The following GIT2 variants were observed in gnomAD, a reference collection of about 807,000 sequenced individuals.
GIT2 encodes GIT ArfGAP 2, also known as ARF GTPase-activating protein GIT2.
In GIT2, 32 loss-of-function variants were observed where a neutral mutation model predicts 100.3. The ratio of observed to expected loss-of-function variants is 0.32; its 90% CI spans 0.24 to 0.43. The LOEUF (loss-of-function observed/expected upper bound fraction) is 0.43. Ranked by LOEUF, GIT2 falls within the 20% of genes least tolerant of loss-of-function variation. GIT2 has a pLI of 1.00. For synonymous variants in GIT2, 353 were observed against 364.1 expected (o/e 0.97, Z 0.35); for missense variants, 737 against 975.1 (o/e 0.76, Z 3.25).
intron 15 of GIT2, 108 bp from the exon 16 acceptor site, chr12:109,945,457 G>T (rs1183320785): frequency 1.5e-6 from 1 of 687,440 alleles, no homozygotes; most frequent in East Asian, 2.7e-5. Context: ...ATTATGTGAC[G>T]TGAGTGCTGC....
chr12:109,938,889 ATGT>A (rs1022156668), intron 17 of GIT2: 2 of 492,644 alleles, frequency 4.1e-6, no homozygotes, highest in Non-Finnish European at 3.6e-6. Context: ...ATGTAACCTA[ATGT>A]TGTCTTCATG....
At chr12:109,969,492 T>C (rs913858531) in intron 7 of GIT2, among the ~76,000 whole-genome samples, 1 of 152,116 alleles carries the variant, frequency 6.6e-6, no homozygotes, top group African/African-American at 2.4e-5. Context: ...TGATGAAGTA[T>C]AATTTATCAA....
At position 109,931,979 on chromosome 12, in the gene GIT2, AGAT is replaced by A. The variant is rs1260427848; in HGVS notation, c.*996_*998del. 2 of 152,250 alleles carry A rather than the reference AGAT, an allele frequency of 1.3e-5. No individual in the cohort carries two copies. The highest frequency in any genetic ancestry group is 2.9e-5 in the Non-Finnish European group (2 of 68,060). 9.4% of individuals were successfully genotyped at this position (152,250 alleles called of 1,614,324 possible). On this transcript the variant is annotated 3_prime_UTR_variant, in exon 20 of 20. Coordinates refer to ENST00000355312, the MANE Select transcript of GIT2 (RefSeq NM_057169.5). ...ATCTTTCCTTATAAGAAGTCCTTAAAGATGATGAAAAATGTGAAGCAACTCATG... is the reference window on the plus strand; with the variant it reads ...ATCTTTCCTTATAAGAAGTCCTTAAAGATGAAAAATGTGAAGCAACTCATG...
chr12:109,945,708 T>C (rs911902687), intron 15 of GIT2, among the ~76,000 whole-genome samples: 32 of 152,232 alleles, frequency 2.1e-4, no homozygotes, highest in African/African-American at 7.2e-4. Flanking sequence ...ACACTATCAA[T>C]CTAATTTTTA....
chr12:109,978,780 A>T (rs1885672678), intron 7 of GIT2, among the ~76,000 whole-genome samples: 1 of 152,092 alleles, frequency 6.6e-6, no homozygotes, highest in Non-Finnish European at 1.5e-5. Context: ...TTCTTATAGC[A>T]TGGTCTTACT....
At chr12:109,968,152 C>T (rs1882948771) in intron 7 of GIT2, among the ~76,000 whole-genome samples, 1 of 152,236 alleles carries the variant, frequency 6.6e-6, no homozygotes, top group Admixed American at 6.5e-5. Context: ...AACTGCCAGA[C>T]CTTTTCCCTT....
intron 7 of GIT2, among the ~76,000 whole-genome samples, chr12:109,976,123 AAC>A (rs564971141): frequency 1.5e-5 from 2 of 130,962 alleles, no homozygotes; most frequent in African/African-American, 3.6e-5. Flanking sequence ...CACACACACA[AAC>A]ACACACACAC....
At chr12:109,952,126 A>T (rs1262773192) in intron 13 of GIT2, among the ~76,000 whole-genome samples, 1 of 152,198 alleles carries the variant, frequency 6.6e-6, no homozygotes, top group Non-Finnish European at 1.5e-5. Context: ...TCTTTCTCAC[A>T]GTCATGTGGG....
chr12:109,948,849 G>A lies in GIT2; in HGVS notation c.1393-1345C>T. On this transcript the variant is annotated intron_variant, in intron 14 of 19. Coordinates refer to ENST00000355312, the MANE Select transcript of GIT2 (RefSeq NM_057169.5). This position sits in a 1 kb window ranked among gnomAD's most constrained non-coding sequence, Gnocchi z 4.3. ...TAATTAGCATCTTTTCCAAGCAACT[G>A]TTAAATGTGAAAGATCAGATACAAA... 6.3e-7 allele frequency: 1 copy of A among 1,588,470 alleles called. No homozygotes were observed. The highest frequency in any genetic ancestry group is 8.6e-7 in the Non-Finnish European group (1 of 1,159,850).
intron 13 of GIT2, 59 bp from the exon 14 acceptor site, chr12:109,951,375 C>T: frequency 2.9e-6 from 4 of 1,393,222 alleles, no homozygotes; most frequent in Non-Finnish European, 3.0e-6. Context: ...TAAAGACTAA[C>T]AGCTCAAGAA....
At chr12:109,999,567 C>A, upstream of GIT2, 2 of 696,596 alleles carry the variant, frequency 2.9e-6, no homozygotes, top group Non-Finnish European at 4.1e-6. The surrounding 1 kb of genome is among the most constrained non-coding windows in gnomAD (Gnocchi z 4.3). Context: ...AGCCGGCCGG[C>A]AGCGTAACAC....
chr12:109,953,060 C>G lies in GIT2; in HGVS notation c.1242+32G>C, dbSNP rs555080725. On this transcript the variant is annotated intron_variant, in intron 13 of 19. Coordinates refer to ENST00000355312, the MANE Select transcript of GIT2 (RefSeq NM_057169.5). ...AGGGCTAGCCCTCAGCTGATGCGTG[C>G]TTGCCCTTCCATGGGACGCATGGCC... 15 of 1,612,208 alleles carry G rather than the reference C, an allele frequency of 9.3e-6. No individual in the cohort carries two copies. The African/African-American group carries it at 1.7e-4, about 19-fold the overall frequency.
intron 16 of GIT2, among the ~76,000 whole-genome samples, chr12:109,944,040 C>T (rs1875582547): frequency 1.3e-5 from 2 of 152,084 alleles, no homozygotes; most frequent in Admixed American, 6.6e-5. Context: ...GGCATGGTGG[C>T]GCATGCCTGT....
intron 3 of GIT2, 60 bp downstream of exon 3, chr12:109,989,630 C>T (rs757568016): frequency 2.7e-4 from 259 of 956,662 alleles, no homozygotes; most frequent in Admixed American, 8.8e-4. Flanking sequence ...TAGCTGCACT[C>T]CTTTCAGTGG....
intron 7 of GIT2, among the ~76,000 whole-genome samples, chr12:109,974,494 C>A (rs1337100500): frequency 6.6e-6 from 1 of 152,190 alleles, no homozygotes; most frequent in Admixed American, 6.5e-5. Flanking sequence ...CCACTGCACT[C>A]CAGCCTGGGC....
Position 109,934,152 on chromosome 12 carries a change from T to C in GIT2, c.2004-67A>G. 1 of 868,844 alleles carries C rather than the reference T, an allele frequency of 1.2e-6. No homozygotes were observed. The highest frequency in any genetic ancestry group is 1.6e-5 in the African/African-American group (1 of 60,638). 53.8% of individuals were successfully genotyped at this position (868,844 alleles called of 1,614,324 possible). On this transcript the variant is annotated intron_variant, in intron 18 of 19. Coordinates refer to ENST00000355312, the MANE Select transcript of GIT2 (RefSeq NM_057169.5). The surrounding 1 kb of genome is among the most constrained non-coding windows in gnomAD (Gnocchi z 4.5). Reference sequence around the variant, plus strand: ...GATTCGGAGGCAAAGAGGACTCAAGTGCTAGAACAGATTCTGTTTACATTC... The same window carrying C: ...GATTCGGAGGCAAAGAGGACTCAAGCGCTAGAACAGATTCTGTTTACATTC...
At chr12:109,944,097 A>G (rs1366910363) in intron 16 of GIT2, among the ~76,000 whole-genome samples, 1 of 152,162 alleles carries the variant, frequency 6.6e-6, no homozygotes, top group Non-Finnish European at 1.5e-5. Flanking sequence ...GCTTGAGCCC[A>G]GGAGTTTGAG....
intron 7 of GIT2, among the ~76,000 whole-genome samples, chr12:109,973,198 T>C (rs139942254): frequency 7.2e-5 from 11 of 152,276 alleles, no homozygotes; most frequent in Admixed American, 3.3e-4. Flanking sequence ...TGGAGTGCAG[T>C]TGCACAATCT....
rs372242182 is a variant in GIT2 at position 109,971,751 on chromosome 12, G to C, written c.719-4248C>G. Among the ~76,000 whole-genome samples, 38 of 152,030 alleles carry C rather than the reference G, an allele frequency of 2.5e-4. No individual in the cohort carries two copies. In the East Asian group the frequency reaches 7.2e-3, roughly 29 times the overall value. On this transcript the variant is annotated intron_variant, in intron 7 of 19. Transcript: ENST00000355312. ...CTCACACCTGTAATCCCAGCACTTTGGGAGGCCAAGGTGGGTGGATCACCT... is the reference window on the plus strand; with the variant it reads ...CTCACACCTGTAATCCCAGCACTTTCGGAGGCCAAGGTGGGTGGATCACCT...
Sources: allele counts gnomAD v4.1 joint callset (sites outside exome capture counted in the v4.1 genomes callset), GRCh38; gene constraint gnomAD v4.1.1; non-coding constraint Gnocchi (gnomAD v3.1); transcripts MANE v1.5; gene names NCBI Gene and HGNC (gene_info 2026-07-23, HGNC 2026-07-21).